The following SVBP variants were observed in gnomAD, a reference collection of about 807,000 sequenced individuals.
SVBP encodes small vasohibin-binding protein.
SVBP carries 9 observed loss-of-function variants against 9.2 expected under a neutral mutation model. The observed-to-expected ratio is 0.98, with a 90% CI of 0.59 to 1.71. The LOEUF (loss-of-function observed/expected upper bound fraction) is 1.71. Ranked by LOEUF, SVBP falls within the 40% of genes most tolerant of loss-of-function variation. SVBP has a pLI of 0.00. For missense variants in SVBP, 63 were observed against 73.2 expected (o/e 0.86, Z 0.51); for synonymous variants, 27 against 23.9 (o/e 1.13, Z -0.37).
At chr1:42,809,657 T>A (rs911384320) in intron 2 of SVBP, among the ~76,000 whole-genome samples, 3 of 152,216 alleles carry the variant, frequency 2.0e-5, no homozygotes, top group Non-Finnish European at 2.9e-5. Flanking sequence ...ATTCCTGTCA[T>A]CTTTAAGAAA....
At chr1:42,808,172 T>TATAC (rs1221007078) in intron 2 of SVBP, among the ~76,000 whole-genome samples, 1 of 119,060 alleles carries the variant, frequency 8.4e-6, no homozygotes, top group Non-Finnish European at 1.6e-5. Context: ...TATATATATA[T>TATAC]ATATATACAT....
chr1:42,816,498 A>G lies in SVBP; in HGVS notation c.47T>C (p.Val16Ala). 2.5e-6 allele frequency: 4 copies of G among 1,614,112 alleles called. No individual in the cohort carries two copies. Among genetic ancestry groups the G allele is most frequent in the Non-Finnish European group, 2.5e-6 (3 of 1,180,020 alleles). Residue 16 changes from valine (V) to alanine (A), a missense_variant, in exon 2 of 3, where the codon GTC (valine) becomes GCC (alanine). Val to Ala is a moderately conservative substitution (Grantham distance 64, BLOSUM62 0). Coordinates refer to ENST00000372521, the MANE Select transcript of SVBP (RefSeq NM_199342.4). Reference sequence around the variant, plus strand: ...CTGTTTGGCCTTCTCAACTCTGCTGACAGATTCTTTAACTTTGGTTTTTTC... The same window carrying G: ...CTGTTTGGCCTTCTCAACTCTGCTGGCAGATTCTTTAACTTTGGTTTTTTC... ...RKEKTKVKES[V>A]SRVEKAKQKS...
chr1:42,816,550 G>C lies in SVBP; in HGVS notation c.-6C>G. On this transcript the variant is annotated 5_prime_UTR_variant, in exon 2 of 3. Coordinates refer to ENST00000372521, the MANE Select transcript of SVBP (RefSeq NM_199342.4). ...TTACGTGCAGGTGGATCCATGGCTT[G>C]ACTTCTGGATATTTCTTAGGAGGCT... The C allele has an allele frequency of 1.3e-6, 2 of 1,595,690 alleles. No individual in the cohort carries two copies. The highest frequency in any genetic ancestry group is 1.1e-5 in the South Asian group (1 of 90,670).
chr1:42,810,249 G>A (rs1489805209), intron 2 of SVBP, among the ~76,000 whole-genome samples: 1 of 152,098 alleles, frequency 6.6e-6, no homozygotes. Context: ...CCTGGTTCAA[G>A]CAATTCCCTT....
chr1:42,812,753 A>G (rs1272951569), intron 2 of SVBP, among the ~76,000 whole-genome samples: 2 of 152,252 alleles, frequency 1.3e-5, no homozygotes, highest in Non-Finnish European at 1.5e-5. Context: ...ATGCTTTTGC[A>G]AAAGTAGTTG....
intron 2 of SVBP, among the ~76,000 whole-genome samples, chr1:42,811,511 C>T (rs995151014): frequency 6.6e-6 from 1 of 152,194 alleles, no homozygotes; most frequent in Non-Finnish European, 1.5e-5. Flanking sequence ...AGCAGGTCAA[C>T]AGGAACTCAG....
At chr1:42,811,884 C>G (rs1375134533) in intron 2 of SVBP, among the ~76,000 whole-genome samples, 3 of 152,052 alleles carry the variant, frequency 2.0e-5, no homozygotes, top group Non-Finnish European at 4.4e-5. Context: ...CAACATCTAT[C>G]CTTACAATAT....
At chr1:42,808,118 G>A (rs1395214975) in intron 2 of SVBP, among the ~76,000 whole-genome samples, 1 of 131,396 alleles carries the variant, frequency 7.6e-6, no homozygotes, top group Non-Finnish European at 1.6e-5. Flanking sequence ...AGTGTGCAGG[G>A]GAGCAATGTG....
intron 2 of SVBP, chr1:42,816,201 A>G: frequency 2.2e-6 from 1 of 460,222 alleles, no homozygotes; most frequent in Non-Finnish European, 3.8e-6. Flanking sequence ...TGGGTCTCTT[A>G]CCACAAAAGC....
intron 2 of SVBP, among the ~76,000 whole-genome samples, chr1:42,812,520 T>C (rs1264418858): frequency 6.6e-6 from 1 of 152,238 alleles, no homozygotes; most frequent in East Asian, 1.9e-4. Context: ...CTGGGGACAG[T>C]AGCAACACAC....
chr1:42,809,528 C>T (rs1388870656), intron 2 of SVBP, among the ~76,000 whole-genome samples: 2 of 152,146 alleles, frequency 1.3e-5, no homozygotes, highest in African/African-American at 4.8e-5. Context: ...GACTTAACTA[C>T]TGACATAACA....
chr1:42,807,437 G>A lies in SVBP; in HGVS notation c.178C>T (p.Gln60Ter). ...CCTCATTCTCCAGGAGGCTGCATCTGTTTACAGAACTCATCAAACTGCTGC... is the reference window on the plus strand; with the variant it reads ...CCTCATTCTCCAGGAGGCTGCATCTATTTACAGAACTCATCAAACTGCTGC... ...EQQQFDEFCK[Q>*]MQPPGE Residue 60 changes from glutamine to a stop codon, truncating the protein, a stop_gained, in exon 3 of 3, where the codon CAG becomes TAG. Transcript: ENST00000372521. LOFTEE classifies it high-confidence loss of function. 6.2e-7 allele frequency: 1 copy of A among 1,613,884 alleles called. No individual in the cohort carries two copies. The highest frequency in any genetic ancestry group is 8.5e-7 in the Non-Finnish European group (1 of 1,179,824).
chr1:42,812,094 C>A (rs1654095621), intron 2 of SVBP, among the ~76,000 whole-genome samples: 1 of 151,100 alleles, frequency 6.6e-6, no homozygotes, highest in Non-Finnish European at 1.5e-5. Flanking sequence ...TTCAACCGAG[C>A]AGTTTAACCA....
Position 42,817,128 on chromosome 1 carries a change from C to T in SVBP, c.-37+62G>A, listed in dbSNP as rs757113201. 6.2e-5 allele frequency: 73 copies of T among 1,180,690 alleles called. No individual in the cohort carries two copies. In the Middle Eastern group the frequency reaches 3.0e-3, roughly 49 times the overall value. The allele number at this position is 1,180,690 out of a possible 1,614,324, so 73.1% of individuals were successfully genotyped here. A position where few individuals can be genotyped will look rare whatever the true frequency, so the allele number is the denominator to read the frequency against. ...ACGGCCCCCGCCTCCTGCCCTCTTC[C>T]CTCTCCTGGAGGAAAATGGCGGTCG... On this transcript the variant is annotated intron_variant, in intron 1 of 2. Transcript: ENST00000372521.
At chr1:42,816,755 T>C (rs1436724068) in intron 1 of SVBP, 175 bp from the exon 2 acceptor site, 10 of 521,188 alleles carry the variant, frequency 1.9e-5, no homozygotes, top group Non-Finnish European at 3.4e-5. Context: ...GGCCACAACC[T>C]CGCTGGGTGT....
Position 42,817,258 on chromosome 1 carries a change from T to G in SVBP, c.-105A>C. ...GCAGACAACGCCTCCGGGAGGGTAA[T>G]CCTCGCCTTCCCCCGACCACTGGAC... On this transcript the variant is annotated 5_prime_UTR_variant, in exon 1 of 3. Transcript: ENST00000372521. 8.0e-7 allele frequency: 1 copy of G among 1,247,622 alleles called. No individual in the cohort carries two copies. The highest frequency in any genetic ancestry group is 1.3e-5 in the South Asian group (1 of 76,704). 77.3% of individuals were successfully genotyped at this position (1,247,622 alleles called of 1,614,324 possible).
chr1:42,814,117 C>T, intron 2 of SVBP, among the ~76,000 whole-genome samples: 1 of 147,932 alleles, frequency 6.8e-6, no homozygotes, highest in African/African-American at 2.5e-5. Context: ...GAGACAGAGT[C>T]TAGCTCTGTC....
intron 2 of SVBP, among the ~76,000 whole-genome samples, chr1:42,811,731 GGGTTCAGAGA>G (rs1654088483): frequency 1.3e-5 from 2 of 152,214 alleles, no homozygotes; most frequent in South Asian, 4.1e-4. Flanking sequence ...GATGAACTGG[GGGTTCAGAGA>G]GGTTAAGTAT....
chr1:42,812,031 A>C (rs1452043467), intron 2 of SVBP, among the ~76,000 whole-genome samples: 1 of 152,184 alleles, frequency 6.6e-6, no homozygotes, highest in South Asian at 2.1e-4. Flanking sequence ...TACTAAAGAC[A>C]ATATCCTTGG....
Sources: gnomAD v4.1 joint callset for allele counts (sites outside exome capture counted in the v4.1 genomes callset) on GRCh38, gnomAD v4.1.1 for gene constraint, MANE v1.5 for transcripts, NCBI Gene and HGNC (gene_info 2026-07-23, HGNC 2026-07-21) for gene names.